The following SMIM28 variants were observed in gnomAD, a reference collection of about 807,000 sequenced individuals.
SMIM28 encodes the protein small integral membrane protein 28.
chr6:138,378,153 C>T lies in SMIM28; in HGVS notation c.81C>T (p.Pro27=). 1 of 398,618 alleles carries T rather than the reference C, an allele frequency of 2.5e-6. No homozygotes were observed. Among genetic ancestry groups the T allele is most frequent in the Middle Eastern group, 6.3e-4 (1 of 1,588 alleles). 24.7% of individuals were successfully genotyped at this position (398,618 alleles called of 1,614,324 possible). Residue 27 remains proline, a synonymous_variant, in exon 1 of 2, where the codon CCC becomes CCT. Coordinates refer to ENST00000573100, the MANE Select transcript of SMIM28 (RefSeq NM_001368163.3). ...CATATGAGTGGTTAACCAGCGAGCC[C>T]GGCCTGCCTCTCCTGGAGACCCAGC... ...RGTYEWLTSE[P]GLPLLETQLQ... is the part of the protein sequence containing the mutation.
At chr6:138,378,253 A>G (rs1774276750) in intron 1 of SMIM28, 70 bp downstream of exon 1, 1 of 397,686 alleles carries the variant, frequency 2.5e-6, no homozygotes, top group Admixed American at 4.4e-5. Context: ...CATAATATCT[A>G]TGGTTTTAGG....
chr6:138,382,563 G>A lies in SMIM28; in HGVS notation c.175G>A (p.Ala59Thr), dbSNP rs1774326400. ...VEPFLCILLPATILLFLAFLL... is the reference protein window; with the variant it reads ...VEPFLCILLPTTILLFLAFLL... ...GCCCTTCCTGTGCATCCTTCTGCCGGCCACCATCCTGCTCTTCCTGGCATT... is the reference window on the plus strand; with the variant it reads ...GCCCTTCCTGTGCATCCTTCTGCCGACCACCATCCTGCTCTTCCTGGCATT... Residue 59 changes from alanine to threonine, a missense_variant, in exon 2 of 2, where the codon GCC (alanine) becomes ACC (threonine). Transcript: ENST00000573100. The A allele has an allele frequency of 2.5e-6, 1 of 398,952 alleles. No individual in the cohort carries two copies. The highest frequency in any genetic ancestry group is 1.3e-4 in the South Asian group (1 of 7,854). 24.7% of individuals were successfully genotyped at this position (398,952 alleles called of 1,614,324 possible). A position where few individuals can be genotyped will look rare whatever the true frequency, so the allele number is the denominator to read the frequency against.
rs1014878346 is a variant in SMIM28 at position 138,383,224 on chromosome 6, A to G, written c.*377A>G. The G allele has an allele frequency of 6.4e-6, 1 of 157,208 alleles. No homozygotes were observed. The highest frequency in any genetic ancestry group is 2.4e-5 in the African/African-American group (1 of 41,580). The allele number at this position is 157,208 out of a possible 1,614,324, so 9.7% of individuals were successfully genotyped here. A position where few individuals can be genotyped will look rare whatever the true frequency, so the allele number is the denominator to read the frequency against. On this transcript the variant is annotated 3_prime_UTR_variant, in exon 2 of 2. Transcript: ENST00000573100. Reference sequence around the variant, plus strand: ...CAGGCTCTGAAGGGCAAGAAAAAAAACTCTGGACCAGCCAAAGGTAACTAC... The same window carrying G: ...CAGGCTCTGAAGGGCAAGAAAAAAAGCTCTGGACCAGCCAAAGGTAACTAC...
At chr6:138,380,616 A>T (rs936042718) in intron 1 of SMIM28, among the ~76,000 whole-genome samples, 1 of 151,888 alleles carries the variant, frequency 6.6e-6, no homozygotes, top group Non-Finnish European at 1.5e-5. Context: ...AAATACAAAA[A>T]ATTAGCCGGG....
Position 138,382,678 on chromosome 6 carries a change from G to A in SMIM28, c.290G>A (p.Gly97Glu). The change falls in exon 2 of 2, where the codon GGA (glycine) becomes GAA (glutamate). Residue 97 changes from glycine (G) to glutamate (E), a missense_variant. Physicochemically the swap from Gly to Glu is moderately conservative, Grantham distance 98. Coordinates refer to ENST00000573100, the MANE Select transcript of SMIM28 (RefSeq NM_001368163.3). The stretch of plus-strand genomic sequence containing the variant: ...GACCTACCAGAGCACCCACCTGCAG[G>A]AGAGGTGACAGACCTCCTGCCCGGC... Reference protein sequence around the residue: ...SIDLPEHPPAGEVTDLLPGLA... With the variant: ...SIDLPEHPPAEEVTDLLPGLA... The A allele has an allele frequency of 7.5e-6, 3 of 398,692 alleles. No homozygotes were observed. The highest frequency in any genetic ancestry group is 1.3e-5 in the Non-Finnish European group (3 of 226,198). 24.7% of individuals were successfully genotyped at this position (398,692 alleles called of 1,614,324 possible). A position where few individuals can be genotyped will look rare whatever the true frequency, so the allele number is the denominator to read the frequency against.
intron 1 of SMIM28, 100 bp from the exon 2 acceptor site, chr6:138,382,400 A>G (rs1221625087): frequency 7.1e-3 from 1,561 of 219,604 alleles, no homozygotes; most frequent in Middle Eastern, 0.018. Context: ...GTGTCTCAAA[A>G]AAAAAAAAAA....
At chr6:138,382,239 A>C (rs1774320017) in intron 1 of SMIM28, among the ~76,000 whole-genome samples, 1 of 151,986 alleles carries the variant, frequency 6.6e-6, no homozygotes. Context: ...TCTACTAAAA[A>C]TACAAAAATT....
Position 138,382,819 on chromosome 6 carries a change from AGGCCCAGG to A in SMIM28, c.433_440del (p.Ala145MetfsTer32). ...GCCACCAGAAATCCTCCTGGGGAGG[AGGCCCAGG>A]GATGCAGTCCTTCAGTATGAAAAGG... is the stretch of plus-strand genomic sequence containing the variant. On this transcript the variant is annotated frameshift_variant, in exon 2 of 2. Transcript: ENST00000573100. LOFTEE classifies it low-confidence loss of function (END_TRUNC). 1 of 398,600 alleles carries A rather than the reference AGGCCCAGG, an allele frequency of 2.5e-6. No individual in the cohort carries two copies. The highest frequency in any genetic ancestry group is 4.4e-6 in the Non-Finnish European group (1 of 226,104). The allele number at this position is 398,600 out of a possible 1,614,324, so 24.7% of individuals were successfully genotyped here. A position where few individuals can be genotyped will look rare whatever the true frequency, so the allele number is the denominator to read the frequency against.
intron 1 of SMIM28, among the ~76,000 whole-genome samples, chr6:138,381,810 T>G (rs886679421): frequency 6.6e-6 from 1 of 152,226 alleles, no homozygotes; most frequent in African/African-American, 2.4e-5. Context: ...ATAATTGGTC[T>G]CATTCTAAAT....
At chr6:138,380,000 G>T (rs576419973) in intron 1 of SMIM28, among the ~76,000 whole-genome samples, 1 of 152,014 alleles carries the variant, frequency 6.6e-6, no homozygotes, top group African/African-American at 2.4e-5. Context: ...TCTTCTAGCC[G>T]CACCAATAAA....
At chr6:138,379,784 T>C (rs573773440) in intron 1 of SMIM28, among the ~76,000 whole-genome samples, 1 of 152,188 alleles carries the variant, frequency 6.6e-6, no homozygotes, top group Non-Finnish European at 1.5e-5. Flanking sequence ...TATGAGTTCA[T>C]CTACTCTTAC....
chr6:138,378,398 C>T (rs1383964073), intron 1 of SMIM28, among the ~76,000 whole-genome samples: 1 of 152,144 alleles, frequency 6.6e-6, no homozygotes, highest in Admixed American at 6.5e-5. Context: ...AAACTTGGCA[C>T]AACTATATCC....
At chr6:138,378,234 T>G in intron 1 of SMIM28, 51 bp downstream of exon 1, 1 of 398,482 alleles carries the variant, frequency 2.5e-6, no homozygotes, top group Non-Finnish European at 4.4e-6. Context: ...CTTCATCAGT[T>G]TTAAAATCCA....
rs916582188 is a variant in SMIM28 at position 138,383,081 on chromosome 6, C to T, written c.*234C>T. The stretch of plus-strand genomic sequence containing the variant: ...TCACATTCCTTAGGGGAAAGTTTCC[C>T]AGGTTCTTCTAAAGATGACTGCACT... On this transcript the variant is annotated 3_prime_UTR_variant, in exon 2 of 2. Transcript: ENST00000573100. The T allele has an allele frequency of 5.8e-6, 2 of 343,268 alleles. No homozygotes were observed. Among genetic ancestry groups the T allele is most frequent in the African/African-American group, 4.2e-5 (2 of 47,310 alleles). 21.3% of individuals were successfully genotyped at this position (343,268 alleles called of 1,614,324 possible). A position where few individuals can be genotyped will look rare whatever the true frequency, so the allele number is the denominator to read the frequency against.
At position 138,383,263 on chromosome 6, in the gene SMIM28, T is replaced by G. The variant is rs1308451331; in HGVS notation, c.*416T>G. Among the ~76,000 whole-genome samples the G allele has an allele frequency of 1.3e-5, 2 of 151,996 alleles. No homozygotes were observed. The highest frequency in any genetic ancestry group is 2.9e-5 in the Non-Finnish European group (2 of 67,980). On this transcript the variant is annotated 3_prime_UTR_variant, in exon 2 of 2. Transcript: ENST00000573100. ...AAAGGTAACTACTTTTGCCACCAAATAGAACTTTTCTTCCCACACCAGTTT... is the reference window on the plus strand; with the variant it reads ...AAAGGTAACTACTTTTGCCACCAAAGAGAACTTTTCTTCCCACACCAGTTT...
chr6:138,378,228 A>C (rs986552252), intron 1 of SMIM28, 45 bp downstream of exon 1: 4 of 398,378 alleles, frequency 1.0e-5, no homozygotes, highest in African/African-American at 6.2e-5. Context: ...AAGCATCTTC[A>C]TCAGTTTTAA....
rs189166095 is a variant in SMIM28, at chr6:138,380,901, T to G, written c.112-1599T>G. Among the ~76,000 whole-genome samples the G allele has an allele frequency of 4.3e-3, 656 of 151,816 alleles. 6 individuals are homozygous for G. Among genetic ancestry groups the G allele is most frequent in the African/African-American group, 0.014 (586 of 41,412 alleles). ...CTCTCATAGTTTATGAGGGTTTTTT[T>G]TGTGTGTGTTTTTTTTTTTGAGACG... On this transcript the variant is annotated intron_variant, in intron 1 of 1. Coordinates refer to ENST00000573100, the MANE Select transcript of SMIM28 (RefSeq NM_001368163.3).
chr6:138,379,573 T>C (rs969223472), intron 1 of SMIM28, among the ~76,000 whole-genome samples: 2 of 152,182 alleles, frequency 1.3e-5, no homozygotes, highest in African/African-American at 4.8e-5. Flanking sequence ...TGAGAAATGG[T>C]CCATGCTTAT....
rs1266549541 is a variant in SMIM28 at position 138,379,392 on chromosome 6, T to A, written c.111+1209T>A. On this transcript the variant is annotated intron_variant, in intron 1 of 1. Coordinates refer to ENST00000573100, the MANE Select transcript of SMIM28 (RefSeq NM_001368163.3). Reference sequence around the variant, plus strand: ...GAGAATACCTTAAGTAGCATAATTATAAACAAAGGGTCTATTACATAAAAC... The same window carrying A: ...GAGAATACCTTAAGTAGCATAATTAAAAACAAAGGGTCTATTACATAAAAC... Among the ~76,000 whole-genome samples the A allele has an allele frequency of 3.3e-5, 5 of 152,324 alleles. No homozygotes were observed. The East Asian group carries it at 7.7e-4, about 23-fold the overall frequency.
Sources: allele counts gnomAD v4.1 joint callset (sites outside exome capture counted in the v4.1 genomes callset), GRCh38; gene constraint gnomAD v4.1.1; transcripts MANE v1.5; gene names NCBI Gene and HGNC (gene_info 2026-07-23, HGNC 2026-07-21).